The following ZNF385B variants were observed in gnomAD, a reference collection of about 807,000 sequenced individuals.
ZNF385B encodes zinc finger protein 533.
In ZNF385B, 23 loss-of-function variants were observed where a neutral mutation model predicts 39.2. The ratio of observed to expected loss-of-function variants is 0.59; its 90% CI spans 0.42 to 0.83. The LOEUF is 0.83. Ranked by LOEUF, ZNF385B falls within the 40% of genes least tolerant of loss-of-function variation. The pLI, the probability that ZNF385B is intolerant of heterozygous loss-of-function variation, is 0.00. For synonymous variants in ZNF385B, 205 were observed against 222.6 expected, an observed-to-expected ratio of 0.92 and a Z score of 0.70; for missense variants, 552 against 598.9, an observed-to-expected ratio of 0.92 and a Z score of 0.82.
intron 3 of ZNF385B, among the ~76,000 whole-genome samples, chr2:179,650,219 C>G (rs1444008986): frequency 6.6e-6 from 1 of 152,124 alleles, no homozygotes; most frequent in African/African-American, 2.4e-5. Context: ...GATTCTAGAA[C>G]ACTAAACAAG....
chr2:179,781,269 C>A (rs1704648563), intron 1 of ZNF385B, among the ~76,000 whole-genome samples: 2 of 152,154 alleles, frequency 1.3e-5, no homozygotes, highest in Non-Finnish European at 2.9e-5. Context: ...TTAATTAAGA[C>A]AGTCTGGTTT....
chr2:179,574,718 T>C (rs896130829), intron 3 of ZNF385B, among the ~76,000 whole-genome samples: 2 of 152,170 alleles, frequency 1.3e-5, no homozygotes, highest in African/African-American at 2.4e-5. Flanking sequence ...ATAGCATAGA[T>C]TGTGAACATT....
intron 4 of ZNF385B, among the ~76,000 whole-genome samples, chr2:179,523,638 C>T (rs185670390): frequency 6.6e-6 from 1 of 152,108 alleles, no homozygotes; most frequent in East Asian, 1.9e-4. Flanking sequence ...TCAACTATCC[C>T]AGTACTTTTC....
intron 3 of ZNF385B, among the ~76,000 whole-genome samples, chr2:179,654,135 C>T (rs1693486541): frequency 6.6e-6 from 1 of 152,076 alleles, no homozygotes; most frequent in Admixed American, 6.5e-5. Flanking sequence ...TATTTCTCAC[C>T]AATGGCACTG....
chr2:179,798,550 A>G (rs898632349), intron 1 of ZNF385B, among the ~76,000 whole-genome samples: 3 of 152,136 alleles, frequency 2.0e-5, no homozygotes, highest in African/African-American at 7.2e-5. Context: ...CAATGCCCAA[A>G]ATTCCAGTAT....
chr2:179,443,513 T>C, intron 9 of ZNF385B, 45 bp from the exon 10 acceptor site: 1 of 1,431,898 alleles, frequency 7.0e-7, no homozygotes, highest in Non-Finnish European at 9.6e-7. Flanking sequence ...ATCCTGTTTT[T>C]GAATAACAGC....
intron 1 of ZNF385B, among the ~76,000 whole-genome samples, chr2:179,811,056 A>C (rs965163136): frequency 2.0e-5 from 3 of 152,130 alleles, no homozygotes; most frequent in African/African-American, 7.2e-5. Flanking sequence ...TCTCATTTAC[A>C]ATAGCCACAC....
At chr2:179,706,609 C>T (rs564974579) in intron 3 of ZNF385B, among the ~76,000 whole-genome samples, 2 of 152,236 alleles carry the variant, frequency 1.3e-5, no homozygotes, top group South Asian at 4.1e-4. Context: ...GGTTGGTTCC[C>T]ACCGCATGAG....
At chr2:179,583,910 C>A in intron 3 of ZNF385B, 10 of 1,303,436 alleles carry the variant, frequency 7.7e-6, no homozygotes, top group Non-Finnish European at 1.0e-5. Flanking sequence ...TCTCTCTGGG[C>A]CAGAATGAAA....
At chr2:179,597,560 T>A (rs531434061) in intron 3 of ZNF385B, among the ~76,000 whole-genome samples, 1 of 152,212 alleles carries the variant, frequency 6.6e-6, no homozygotes, top group South Asian at 2.1e-4. Flanking sequence ...TAGTCTTTCA[T>A]GTTCCTTCCA....
chr2:179,693,113 T>G lies in ZNF385B; in HGVS notation c.298+76390A>C, dbSNP rs1348871825. Among the ~76,000 whole-genome samples the G allele has an allele frequency of 2.6e-5, 4 of 152,214 alleles. No homozygotes were observed. In the East Asian group the frequency reaches 7.7e-4, roughly 29 times the overall value. ...GAACAACTCTAGTCAGGCACAATTTTTTCATATTTTTCTAAGAGATCAGAA... is the reference window on the plus strand; with the variant it reads ...GAACAACTCTAGTCAGGCACAATTTGTTCATATTTTTCTAAGAGATCAGAA... On this transcript the variant is annotated intron_variant, in intron 3 of 9. Coordinates refer to ENST00000410066, the MANE Select transcript of ZNF385B (RefSeq NM_152520.6).
At chr2:179,857,934 G>T (rs922748430) in intron 1 of ZNF385B, among the ~76,000 whole-genome samples, 9 of 152,002 alleles carry the variant, frequency 5.9e-5, no homozygotes, top group African/African-American at 1.9e-4. Context: ...GACTGCAGAG[G>T]GTCTTCACTG....
chr2:179,605,812 C>A (rs984326910), intron 3 of ZNF385B, among the ~76,000 whole-genome samples: 1 of 152,072 alleles, frequency 6.6e-6, no homozygotes, highest in African/African-American at 2.4e-5. Flanking sequence ...CAAAGATTAA[C>A]AGGATTAGAG....
At chr2:179,852,666 C>T (rs1201369251) in intron 1 of ZNF385B, among the ~76,000 whole-genome samples, 2 of 152,174 alleles carry the variant, frequency 1.3e-5, no homozygotes, top group Non-Finnish European at 2.9e-5. Context: ...CCAGAATTCA[C>T]ACATGATGGG....
At chr2:179,681,169 G>C (rs181265119) in intron 3 of ZNF385B, among the ~76,000 whole-genome samples, 1 of 148,460 alleles carries the variant, frequency 6.7e-6, no homozygotes, top group Non-Finnish European at 1.5e-5. Flanking sequence ...AAACCTCTTC[G>C]TTTTTAAAAC....
chr2:179,805,711 A>C (rs1426699850), intron 1 of ZNF385B, among the ~76,000 whole-genome samples: 1 of 152,136 alleles, frequency 6.6e-6, no homozygotes, highest in Non-Finnish European at 1.5e-5. Context: ...ATATGTAAAA[A>C]ACATAGAATG....
chr2:179,807,922 GA>G lies in ZNF385B; in HGVS notation c.-154-37251del, dbSNP rs1363182240. ...AGAAAGAAAGAAAGAAAGAAAGAAA[GA>G]AAGAAAGAAGGAAGGAAGGAAGGAA... On this transcript the variant is annotated intron_variant, in intron 1 of 9. Transcript: ENST00000410066. 5.1e-4 allele frequency among the ~76,000 whole-genome samples: 76 copies of G among 150,052 alleles called. 2 individuals carry two copies. Among genetic ancestry groups the G allele is most frequent in the East Asian group, 1.8e-3 (9 of 5,056 alleles).
chr2:179,691,333 T>TA (rs552711643), intron 3 of ZNF385B, among the ~76,000 whole-genome samples: 13 of 152,050 alleles, frequency 8.5e-5, no homozygotes, highest in Middle Eastern at 3.4e-3. Flanking sequence ...TCTGCTCTGA[T>TA]AAAAAAAATG....
At chr2:179,669,135 T>C (rs945241842) in intron 3 of ZNF385B, among the ~76,000 whole-genome samples, 5 of 152,226 alleles carry the variant, frequency 3.3e-5, no homozygotes, top group East Asian at 1.9e-4. Flanking sequence ...CTGTATTAAC[T>C]AATATATTAT....
Sources: allele counts gnomAD v4.1 joint callset (sites outside exome capture counted in the v4.1 genomes callset), GRCh38; gene constraint gnomAD v4.1.1; transcripts MANE v1.5; gene names NCBI Gene and HGNC (gene_info 2026-07-23, HGNC 2026-07-21).